The following AGMO variants were observed in gnomAD, a reference collection of about 807,000 sequenced individuals.
AGMO encodes the protein glyceryl-ether monooxygenase.
In AGMO, 75 loss-of-function variants were observed where a neutral mutation model predicts 60.2. The observed-to-expected ratio is 1.25, with a 90% CI of 1.03 to 1.51. The LOEUF (loss-of-function observed/expected upper bound fraction) is 1.51. AGMO is among the 40% of genes most tolerant of loss of function. AGMO has a pLI of 0.00. For missense variants in AGMO, 763 were observed against 525.5 expected, an observed-to-expected ratio of 1.45 and a Z score of -4.42; for synonymous variants, 261 against 177.1, an observed-to-expected ratio of 1.47 and a Z score of -3.76.
chr7:15,415,437 G>C lies in AGMO; in HGVS notation c.609+3121C>G, dbSNP rs190662557. On this transcript the variant is annotated intron_variant, in intron 5 of 12. Transcript: ENST00000342526. ...GCGTGCCTGTAGTCCCAACTACTTG[G>C]GAGGTTGAGGCAGAAGAATTGCTTG... is the stretch of plus-strand genomic sequence containing the variant. Among the ~76,000 whole-genome samples, 40 of 152,006 alleles carry C rather than the reference G, an allele frequency of 2.6e-4. 1 individual carries two copies. The East Asian group carries it at 4.5e-3, about 17-fold the overall frequency.
In AGMO at chr7:15,414,475, TAC is replaced by T. The variant is rs112635860; in HGVS notation, c.609+4081_609+4082del. Among the ~76,000 whole-genome samples the T allele has an allele frequency of 3.9e-3, 569 of 146,158 alleles. 1 individual carries two copies. The highest frequency in any genetic ancestry group is 0.011 in the African/African-American group (454 of 39,696). Reference sequence around the variant, plus strand: ...ATTTAATCCCTAGAATAGACACACATACACACACACACACACACACACAAAGA... The same window carrying T: ...ATTTAATCCCTAGAATAGACACACATACACACACACACACACACACAAAGA... On this transcript the variant is annotated intron_variant, in intron 5 of 12. Coordinates refer to ENST00000342526, the MANE Select transcript of AGMO (RefSeq NM_001004320.2).
the AGMO span, among the ~76,000 whole-genome samples, chr7:15,125,665 C>G: frequency 6.6e-6 from 1 of 151,772 alleles, no homozygotes; most frequent in East Asian, 1.9e-4. Flanking sequence ...AAAAAGAGGC[C>G]TTAAGTAAAC....
At chr7:15,333,180 C>G (rs937472408) in intron 12 of AGMO, among the ~76,000 whole-genome samples, 1 of 152,102 alleles carries the variant, frequency 6.6e-6, no homozygotes, top group Non-Finnish European at 1.5e-5. Context: ...GAAATGGATA[C>G]TCATCCCAGC....
chr7:15,555,957 A>G (rs1366945401), intron 2 of AGMO, among the ~76,000 whole-genome samples: 1 of 151,980 alleles, frequency 6.6e-6, no homozygotes, highest in Non-Finnish European at 1.5e-5. Context: ...AAGTTAATAC[A>G]TTTAGTATTA....
At chr7:15,344,826 CTAAACT>C (rs1781976726) in intron 12 of AGMO, among the ~76,000 whole-genome samples, 1 of 150,376 alleles carries the variant, frequency 6.6e-6, no homozygotes, top group African/African-American at 2.5e-5. Flanking sequence ...GAATATATCC[CTAAACT>C]TAAATAAAAC....
At chr7:15,354,327 T>TCTATATAC (rs1491261219) in intron 12 of AGMO, among the ~76,000 whole-genome samples, 431 of 32,144 alleles carry the variant, frequency 0.013, 20 homozygotes, top group Non-Finnish European at 0.018. Flanking sequence ...TGTATATACG[T>TCTATATAC]ACGCGTGTAT....
At chr7:15,294,746 A>G (rs1326477367) in intron 12 of AGMO, among the ~76,000 whole-genome samples, 1 of 151,982 alleles carries the variant, frequency 6.6e-6, no homozygotes, top group African/African-American at 2.4e-5. Flanking sequence ...TTATTAAAAT[A>G]TTCTAAAGTG....
intron 2 of AGMO, among the ~76,000 whole-genome samples, chr7:15,557,383 A>G (rs1785174231): frequency 6.6e-6 from 1 of 152,064 alleles, no homozygotes; most frequent in African/African-American, 2.4e-5. Context: ...AGAAAATGAA[A>G]TTAGTCCCTG....
At chr7:15,132,569 T>C in the AGMO span, among the ~76,000 whole-genome samples, 2 of 152,140 alleles carry the variant, frequency 1.3e-5, no homozygotes, top group African/African-American at 2.4e-5. Context: ...GAGTTGACTC[T>C]TGTTAGTGAC....
intron 12 of AGMO, among the ~76,000 whole-genome samples, chr7:15,305,693 T>C (rs1237058171): frequency 2.6e-5 from 4 of 152,014 alleles, no homozygotes; most frequent in Non-Finnish European, 5.9e-5. Flanking sequence ...ACTGTAGACA[T>C]GCAACTAATT....
At chr7:15,184,474 GGAAAA>G in the AGMO span, among the ~76,000 whole-genome samples, 90 of 118,170 alleles carry the variant, frequency 7.6e-4, no homozygotes, top group Non-Finnish European at 1.3e-3. Context: ...AAGGAAGGAA[GGAAAA>G]GGAGGGAGGG....
At chr7:15,275,056 C>G (rs1258044714) in intron 12 of AGMO, among the ~76,000 whole-genome samples, 1 of 151,746 alleles carries the variant, frequency 6.6e-6, no homozygotes, top group Non-Finnish European at 1.5e-5. Flanking sequence ...TAGTTCTGCT[C>G]TAATGTTTGT....
At chr7:15,203,737 A>G (rs974768660) in intron 12 of AGMO, among the ~76,000 whole-genome samples, 5 of 152,140 alleles carry the variant, frequency 3.3e-5, no homozygotes, top group African/African-American at 1.2e-4. Context: ...TAGGAACTCA[A>G]AATTCATGTG....
chr7:15,278,121 T>C (rs1783851865), intron 12 of AGMO, among the ~76,000 whole-genome samples: 1 of 147,716 alleles, frequency 6.8e-6, no homozygotes, highest in South Asian at 2.2e-4. Context: ...GGAATACATC[T>C]GTCCCACAGC....
At chr7:15,182,173 G>A in the AGMO span, among the ~76,000 whole-genome samples, 1 of 152,156 alleles carries the variant, frequency 6.6e-6, no homozygotes, top group Non-Finnish European at 1.5e-5. Flanking sequence ...ACAGAAAGTA[G>A]AATGGTGTTT....
chr7:15,354,353 T>TACACGTGTGTATAGACGTGTGTATAC lies in AGMO; in HGVS notation c.1263+11160_1263+11161insGTATACACACGTCTATACACACGTGT, dbSNP rs1235732008. 2.8e-5 allele frequency among the ~76,000 whole-genome samples: 2 copies of TACACGTGTGTATAGACGTGTGTATAC among 72,476 alleles called. 1 individual carries two copies. The highest frequency in any genetic ancestry group is 1.2e-4 in the African/African-American group (2 of 16,708). 47.5% of individuals were successfully genotyped at this position (72,476 alleles called of 152,430 possible). On this transcript the variant is annotated intron_variant, in intron 12 of 12. Transcript: ENST00000342526. ...ACGCGTGTATATACACGCGTGTATA[T>TACACGTGTGTATAGACGTGTGTATAC]AGACGTGTGTATATAGACGTGTGTA...
intron 3 of AGMO, among the ~76,000 whole-genome samples, chr7:15,497,079 G>A (rs1031808773): frequency 6.6e-6 from 1 of 152,128 alleles, no homozygotes; most frequent in East Asian, 1.9e-4. Flanking sequence ...GATATGAGCT[G>A]GAAGTCAGAG....
chr7:15,436,354 G>C lies in AGMO; in HGVS notation c.410-5246C>G, dbSNP rs746716117. On this transcript the variant is annotated intron_variant, in intron 3 of 12. Transcript: ENST00000342526. The stretch of plus-strand genomic sequence containing the variant: ...TTCTGTGCTTCGAAGATGGCATCAT[G>C]AATGCTGATTCCTTCTAAGTGGAAG... 3.9e-5 allele frequency among the ~76,000 whole-genome samples: 6 copies of C among 152,184 alleles called. No homozygotes were observed. In the East Asian group the frequency reaches 1.2e-3, roughly 29 times the overall value.
intron 3 of AGMO, among the ~76,000 whole-genome samples, chr7:15,466,895 G>T (rs1782308723): frequency 6.6e-6 from 1 of 152,012 alleles, no homozygotes; most frequent in East Asian, 1.9e-4. Flanking sequence ...GTAAACAATT[G>T]TAGGTAAGGT....
Sources: gnomAD v4.1 joint callset for allele counts (sites outside exome capture counted in the v4.1 genomes callset) on GRCh38, gnomAD v4.1.1 for gene constraint, MANE v1.5 for transcripts, NCBI Gene and HGNC (gene_info 2026-07-23, HGNC 2026-07-21) for gene names.